The following GRID2 variants were observed in gnomAD, a reference collection of about 807,000 sequenced individuals.
GRID2 encodes glutamate ionotropic receptor delta type subunit 2, also known as glutamate receptor ionotropic, delta-2.
In GRID2, 33 loss-of-function variants were observed where a neutral mutation model predicts 114.8. That is an observed-to-expected ratio of 0.29 (90% CI 0.22 to 0.38). The LOEUF is 0.38. Ranked by LOEUF, GRID2 falls within the 10% of genes least tolerant of loss-of-function variation. The pLI is 1.00. For synonymous variants in GRID2, 505 were observed against 449.9 expected, an observed-to-expected ratio of 1.12 and a Z score of -1.55; for missense variants, 1,184 against 1,257.7, an observed-to-expected ratio of 0.94 and a Z score of 0.89.
At chr4:93,193,281 T>C (rs1311098754) in intron 4 of GRID2, among the ~76,000 whole-genome samples, 1 of 152,078 alleles carries the variant, frequency 6.6e-6, no homozygotes, top group Non-Finnish European at 1.5e-5. Context: ...AAATAGATCA[T>C]TTGATATGGT....
chr4:93,325,817 T>C (rs1477967670), intron 8 of GRID2, among the ~76,000 whole-genome samples: 1 of 152,184 alleles, frequency 6.6e-6, no homozygotes, highest in African/African-American at 2.4e-5. Flanking sequence ...TTTTGTTTTT[T>C]TGCTGGCTAT....
intron 2 of GRID2, among the ~76,000 whole-genome samples, chr4:93,076,587 C>A (rs965874451): frequency 1.2e-4 from 18 of 148,384 alleles, no homozygotes; most frequent in Non-Finnish European, 2.4e-4. Context: ...GAGCCGCAGA[C>A]CTTCTTCAAA....
rs542031574 is a variant in GRID2 at position 93,006,187 on chromosome 4, T to A, written c.245-78808T>A. On this transcript the variant is annotated intron_variant, in intron 2 of 15. Transcript: ENST00000282020. ...CCCACAAAAACATTTTTAGCATAAC[T>A]AAAATACATTCAATACAACAAATTT... Among the ~76,000 whole-genome samples the A allele has an allele frequency of 1.7e-4, 26 of 152,156 alleles. No individual in the cohort carries two copies. The East Asian group carries it at 5.0e-3, about 29-fold the overall frequency.
rs189670338 is a variant in GRID2 at position 92,323,118 on chromosome 4, A to C, written c.88+18374A>C. The stretch of plus-strand genomic sequence containing the variant: ...TGTACTGTTTTTTAAAAATGTAAAG[A>C]TAGTTTACCAAAAAGATTAAAATTT... On this transcript the variant is annotated intron_variant, in intron 1 of 15. Transcript: ENST00000282020. Among the ~76,000 whole-genome samples, 26 of 152,222 alleles carry C rather than the reference A, an allele frequency of 1.7e-4. 1 individual carries two copies. In the East Asian group the frequency reaches 4.8e-3, roughly 28 times the overall value.
chr4:92,987,892 C>T (rs1245939775), intron 2 of GRID2, among the ~76,000 whole-genome samples: 2 of 151,948 alleles, frequency 1.3e-5, no homozygotes, highest in Non-Finnish European at 2.9e-5. Context: ...CTGCTAATAT[C>T]ACATAGATGT....
chr4:93,360,490 G>T (rs1412170041), intron 8 of GRID2, among the ~76,000 whole-genome samples: 1 of 151,876 alleles, frequency 6.6e-6, no homozygotes, highest in Non-Finnish European at 1.5e-5. Flanking sequence ...AAATATGTGA[G>T]ATATCCTTTT....
intron 11 of GRID2, among the ~76,000 whole-genome samples, chr4:93,462,777 T>A (rs1723870499): frequency 6.6e-6 from 1 of 152,152 alleles, no homozygotes; most frequent in Non-Finnish European, 1.5e-5. Flanking sequence ...ATTTACAAAC[T>A]CTCAAAGGAT....
At chr4:92,989,586 C>T (rs1420712714) in intron 2 of GRID2, among the ~76,000 whole-genome samples, 1 of 152,076 alleles carries the variant, frequency 6.6e-6, no homozygotes, top group Non-Finnish European at 1.5e-5. Flanking sequence ...TATTTGATGT[C>T]ATTTTACTAA....
intron 2 of GRID2, among the ~76,000 whole-genome samples, chr4:93,008,782 A>C (rs571493572): frequency 6.6e-6 from 1 of 152,260 alleles, no homozygotes; most frequent in Non-Finnish European, 1.5e-5. Context: ...TGAAGTAAAA[A>C]GCAATATAAA....
At chr4:92,372,427 A>G (rs905853718) in intron 1 of GRID2, among the ~76,000 whole-genome samples, 2 of 152,200 alleles carry the variant, frequency 1.3e-5, no homozygotes, top group African/African-American at 4.8e-5. Context: ...CTGATCAATC[A>G]GCAACCATTA....
intron 8 of GRID2, among the ~76,000 whole-genome samples, chr4:93,332,291 T>TGAGAGAGAGAGA (rs1439107466): frequency 4.8e-4 from 51 of 107,330 alleles, no homozygotes; most frequent in South Asian, 1.6e-3. Flanking sequence ...TGTGTGTGTG[T>TGAGAGAGAGAGA]GTGTGTGTGA....
intron 8 of GRID2, among the ~76,000 whole-genome samples, chr4:93,326,353 C>T (rs2149218776): frequency 6.6e-6 from 1 of 152,256 alleles, no homozygotes; most frequent in Admixed American, 6.5e-5. Flanking sequence ...GACATTTAAA[C>T]ATGGACTGCA....
chr4:92,869,447 C>T (rs1346911922), intron 2 of GRID2, among the ~76,000 whole-genome samples: 1 of 152,116 alleles, frequency 6.6e-6, no homozygotes, highest in Non-Finnish European at 1.5e-5. Context: ...CAAAAATAAC[C>T]AAAGCAACTG....
chr4:92,925,924 T>C (rs981254132), intron 2 of GRID2, among the ~76,000 whole-genome samples: 1 of 152,028 alleles, frequency 6.6e-6, no homozygotes, highest in South Asian at 2.1e-4. Context: ...TATAATGTAA[T>C]TAAAAAGTTC....
intron 2 of GRID2, among the ~76,000 whole-genome samples, chr4:93,046,279 A>G (rs1412041478): frequency 6.6e-6 from 1 of 152,042 alleles, no homozygotes; most frequent in African/African-American, 2.4e-5. Flanking sequence ...ACCAATAACA[A>G]TCTCTGTCGG....
At chr4:92,952,809 C>T (rs1235878398) in intron 2 of GRID2, among the ~76,000 whole-genome samples, 4 of 152,158 alleles carry the variant, frequency 2.6e-5, no homozygotes, top group Non-Finnish European at 2.9e-5. Context: ...TCGTTTCCTA[C>T]GACTGCCATA....
chr4:93,378,877 A>G (rs1295409976), intron 8 of GRID2, among the ~76,000 whole-genome samples: 1 of 152,018 alleles, frequency 6.6e-6, no homozygotes, highest in Admixed American at 6.6e-5. Flanking sequence ...CCAACTGAAA[A>G]TTATTTTTTT....
intron 2 of GRID2, among the ~76,000 whole-genome samples, chr4:92,758,770 A>G (rs1737848560): frequency 6.6e-6 from 1 of 152,174 alleles, no homozygotes; most frequent in African/African-American, 2.4e-5. Flanking sequence ...TTTTAATTAA[A>G]GTATTTCCTC....
chr4:93,470,838 AT>A (rs1644628513), intron 11 of GRID2, among the ~76,000 whole-genome samples: 1 of 152,106 alleles, frequency 6.6e-6, no homozygotes, highest in South Asian at 2.1e-4. Flanking sequence ...AATTTTAAGT[AT>A]TAGCTAAACA....
Sources: gnomAD v4.1 joint callset for allele counts (sites outside exome capture counted in the v4.1 genomes callset) on GRCh38, gnomAD v4.1.1 for gene constraint, MANE v1.5 for transcripts, NCBI Gene and HGNC (gene_info 2026-07-23, HGNC 2026-07-21) for gene names.